ODAD2: variants seen among roughly 807,000 people sequenced by gnomAD.
The protein encoded by ODAD2 is outer dynein arm docking complex subunit 2, also known as outer dynein arm-docking complex subunit 2.
Under a neutral mutation model 106.8 loss-of-function variants are expected in ODAD2, and 89 were observed. The ratio of observed to expected loss-of-function variants is 0.83; its 90% CI spans 0.70 to 0.99. ODAD2 has a LOEUF of 0.99. Among genes scored for constraint, ODAD2 ranks in the 50% least tolerant of loss-of-function variants. The pLI, the probability that ODAD2 is intolerant of heterozygous loss-of-function variation, is 0.00. For synonymous variants in ODAD2, 404 were observed against 436.2 expected, an observed-to-expected ratio of 0.93 and a Z score of 0.92; for missense variants, 1,168 against 1,238.5, an observed-to-expected ratio of 0.94 and a Z score of 0.85.
At chr10:27,988,072 T>G (rs1849991199) in intron 2 of ODAD2, among the ~76,000 whole-genome samples, 1 of 151,046 alleles carries the variant, frequency 6.6e-6, no homozygotes, top group African/African-American at 2.4e-5. Flanking sequence ...CACTCTAAAC[T>G]TCTTTATTTG....
chr10:27,926,401 G>GAA (rs770297812), intron 16 of ODAD2, among the ~76,000 whole-genome samples: 1 of 139,166 alleles, frequency 7.2e-6, no homozygotes, highest in Non-Finnish European at 1.6e-5. Context: ...GGCAGAGGCG[G>GAA]AAAAAAAAAA....
chr10:27,875,115 T>C (rs1841226706), intron 17 of ODAD2, among the ~76,000 whole-genome samples: 2 of 152,248 alleles, frequency 1.3e-5, no homozygotes, highest in Non-Finnish European at 2.9e-5. Flanking sequence ...TGATCTTCAA[T>C]CACTGATACC....
At chr10:27,930,858 A>C (rs1328257817) in intron 16 of ODAD2, among the ~76,000 whole-genome samples, 1 of 152,164 alleles carries the variant, frequency 6.6e-6, no homozygotes, top group African/African-American at 2.4e-5. Flanking sequence ...TCAAACAGTC[A>C]ATCTGGTTTA....
chr10:27,882,174 AAAGAAAGAAAG>A (rs1238325141), intron 17 of ODAD2, among the ~76,000 whole-genome samples: 4 of 29,220 alleles, frequency 1.4e-4, no homozygotes, highest in African/African-American at 6.2e-4. Context: ...TCATAAAAAA[AAAGAAAGAAAG>A]AAAGAAAGAA....
intron 19 of ODAD2, among the ~76,000 whole-genome samples, chr10:27,833,990 C>T (rs918438901): frequency 6.6e-6 from 1 of 152,182 alleles, no homozygotes; most frequent in Admixed American, 6.5e-5. Context: ...CGCCACCTTA[C>T]AGGGATTTGC....
chr10:27,930,526 A>G (rs959185150), intron 16 of ODAD2, among the ~76,000 whole-genome samples: 1 of 151,728 alleles, frequency 6.6e-6, no homozygotes, highest in African/African-American at 2.4e-5. Flanking sequence ...AAAAACAAAA[A>G]CAGGCTGAGA....
chr10:27,919,465 A>G (rs1844623673), intron 16 of ODAD2, among the ~76,000 whole-genome samples: 1 of 152,140 alleles, frequency 6.6e-6, no homozygotes, highest in South Asian at 2.1e-4. Context: ...AGACTTCAAC[A>G]AAAGAGAAAC....
rs116964508 is a variant in ODAD2, at chr10:27,842,579, A to G, written c.3021+18046T>C. Among the ~76,000 whole-genome samples, 30 of 152,356 alleles carry G rather than the reference A, an allele frequency of 2.0e-4. No homozygotes were observed. In the East Asian group the frequency reaches 5.8e-3, roughly 29 times the overall value. On this transcript the variant is annotated intron_variant, in intron 19 of 19. Transcript: ENST00000305242. ...TTGAAAGATTAATTTATTAAACAGA[A>G]AATTCAAAAACATATAAATGTCTTT...
intron 10 of ODAD2, among the ~76,000 whole-genome samples, chr10:27,961,333 C>G (rs907617594): frequency 6.6e-6 from 1 of 152,118 alleles, no homozygotes; most frequent in Non-Finnish European, 1.5e-5. Context: ...TTTACCATGC[C>G]CACTTCCCAG....
chr10:27,875,940 G>A (rs955733007), intron 17 of ODAD2, among the ~76,000 whole-genome samples: 33 of 152,272 alleles, frequency 2.2e-4, no homozygotes, highest in African/African-American at 7.2e-4. Context: ...ACAGAGCCTC[G>A]CTCATTGCTA....
Position 27,983,834 on chromosome 10 carries a change from T to C in ODAD2, c.819+9A>G, listed in dbSNP as rs750961900. ...CTGGCTTTAGTTACGTTTTTAAAAA[T>C]TTACTTACACCATTTAAAAATACTC... On this transcript the variant is annotated intron_variant, in intron 6 of 19. Transcript: ENST00000305242. 1.9e-6 allele frequency: 3 copies of C among 1,612,784 alleles called. No individual in the cohort carries two copies. The highest frequency in any genetic ancestry group is 2.2e-5 in the South Asian group (2 of 90,842).
intron 16 of ODAD2, among the ~76,000 whole-genome samples, chr10:27,920,716 C>T (rs1254171236): frequency 1.3e-5 from 2 of 151,304 alleles, no homozygotes; most frequent in Admixed American, 6.6e-5. Flanking sequence ...TTGCATAAAC[C>T]CTGAAAGGTC....
intron 7 of ODAD2, among the ~76,000 whole-genome samples, chr10:27,977,104 T>C (rs772574065): frequency 1.3e-5 from 2 of 152,136 alleles, no homozygotes; most frequent in Non-Finnish European, 2.9e-5. Context: ...ATCATAGATA[T>C]AGATTGGAAA....
At chr10:27,867,889 C>A (rs1293841589) in intron 17 of ODAD2, among the ~76,000 whole-genome samples, 1 of 151,474 alleles carries the variant, frequency 6.6e-6, no homozygotes, top group African/African-American at 2.4e-5. Flanking sequence ...GCAGAGATTA[C>A]AGTGAGCTGA....
chr10:27,872,037 A>G (rs1840939914), intron 17 of ODAD2, among the ~76,000 whole-genome samples: 1 of 152,176 alleles, frequency 6.6e-6, no homozygotes, highest in Non-Finnish European at 1.5e-5. Flanking sequence ...TTCGCTGAGC[A>G]GTGGTTTGCA....
intron 17 of ODAD2, among the ~76,000 whole-genome samples, chr10:27,885,739 ATGTT>A (rs1564466434): frequency 3.1e-5 from 1 of 31,890 alleles, no homozygotes; most frequent in Non-Finnish European, 6.9e-5. Flanking sequence ...AAAATATATT[ATGTT>A]ATATATAATA....
chr10:27,981,303 A>G (rs943916724), intron 7 of ODAD2, among the ~76,000 whole-genome samples, 163 bp downstream of exon 7: 1 of 152,156 alleles, frequency 6.6e-6, no homozygotes, highest in Admixed American at 6.5e-5. Context: ...GAACAATGAT[A>G]CTACATTTAC....
intron 17 of ODAD2, among the ~76,000 whole-genome samples, chr10:27,882,296 T>C (rs1051352580): frequency 3.3e-5 from 5 of 152,144 alleles, no homozygotes; most frequent in African/African-American, 1.2e-4. Flanking sequence ...GATTCTGGAA[T>C]AAAATTTTTT....
intron 18 of ODAD2, 75 bp from the exon 19 acceptor site, chr10:27,860,921 T>C (rs1840000119): frequency 7.8e-7 from 1 of 1,276,922 alleles, no homozygotes. Flanking sequence ...GCACTTTATG[T>C]TTATTAACCA....
Sources: allele counts gnomAD v4.1 joint callset (sites outside exome capture counted in the v4.1 genomes callset), GRCh38; gene constraint gnomAD v4.1.1; transcripts MANE v1.5; gene names NCBI Gene and HGNC (gene_info 2026-07-23, HGNC 2026-07-21).